Variants in PLXNA4 observed in about 807,000 individuals in gnomAD.
PLXNA4 encodes plexin-A4.
In PLXNA4, 44 loss-of-function variants were observed where a neutral mutation model predicts 191.8. The observed-to-expected ratio is 0.23, with a 90% CI of 0.18 to 0.29. The LOEUF (loss-of-function observed/expected upper bound fraction) is 0.29, where lower values mean the gene tolerates loss of function less well. PLXNA4 is among the 10% of genes least tolerant of loss of function. PLXNA4 has a pLI of 1.00. For missense variants in PLXNA4, 1,800 were observed against 2,488.8 expected (o/e 0.72, Z 5.89); for synonymous variants, 1,082 against 1,009.5 (o/e 1.07, Z -1.36).
intron 1 of PLXNA4, among the ~76,000 whole-genome samples, chr7:132,546,411 C>G (rs1191068430): frequency 6.6e-6 from 1 of 152,088 alleles, no homozygotes; most frequent in East Asian, 1.9e-4. Context: ...CTAAAAATCC[C>G]AATGCACCAG....
intron 4 of PLXNA4, among the ~76,000 whole-genome samples, chr7:132,244,977 C>T (rs1407871210): frequency 6.6e-6 from 1 of 152,148 alleles, no homozygotes; most frequent in East Asian, 1.9e-4. Context: ...CCCCAAATAC[C>T]TAGACTTGCC....
chr7:132,237,559 C>T (rs1376808247), intron 5 of PLXNA4, among the ~76,000 whole-genome samples: 1 of 152,042 alleles, frequency 6.6e-6, no homozygotes, highest in African/African-American at 2.4e-5. Context: ...TGAGCTTTGT[C>T]CTGGAAGAGT....
intron 2 of PLXNA4, among the ~76,000 whole-genome samples, chr7:132,500,403 A>G (rs1206179743): frequency 2.0e-5 from 3 of 151,580 alleles, no homozygotes; most frequent in Non-Finnish European, 4.4e-5. Context: ...AGATCGCGCC[A>G]TTGCACTCCA....
intron 1 of PLXNA4, among the ~76,000 whole-genome samples, chr7:132,562,781 CTCT>C (rs1479720002): frequency 1.6e-5 from 2 of 126,574 alleles, no homozygotes; most frequent in Admixed American, 7.6e-5. Flanking sequence ...TTTCCTCCCC[CTCT>C]TCTTTCTCCA....
chr7:132,472,036 A>C (rs539037017), intron 3 of PLXNA4, among the ~76,000 whole-genome samples: 1 of 152,346 alleles, frequency 6.6e-6, no homozygotes, highest in East Asian at 1.9e-4. Flanking sequence ...ATTTCTCGGA[A>C]CTTGTACTCT....
At chr7:132,131,704 C>T (rs1794931663) in intron 31 of PLXNA4, among the ~76,000 whole-genome samples, 2 of 152,236 alleles carry the variant, frequency 1.3e-5, no homozygotes, top group South Asian at 2.1e-4. Flanking sequence ...ACAGAGAATC[C>T]TTTCTGAGAG....
chr7:132,517,452 A>G (rs1798987120), intron 1 of PLXNA4, among the ~76,000 whole-genome samples: 1 of 152,236 alleles, frequency 6.6e-6, no homozygotes, highest in African/African-American at 2.4e-5. Context: ...AACATCAGAC[A>G]AGAAAGAAAC....
At chr7:132,552,626 G>T (rs1800611006) in intron 1 of PLXNA4, among the ~76,000 whole-genome samples, 1 of 152,216 alleles carries the variant, frequency 6.6e-6, no homozygotes, top group Non-Finnish European at 1.5e-5. Context: ...GTTTCCAGCT[G>T]AAGTGGTATC....
intron 25 of PLXNA4, among the ~76,000 whole-genome samples, chr7:132,154,483 A>G (rs983184850): frequency 6.6e-6 from 1 of 151,942 alleles, no homozygotes; most frequent in Non-Finnish European, 1.5e-5. Context: ...AAGTTCCTGA[A>G]TAGAAGTGCA....
chr7:132,301,397 T>C (rs1801300791), intron 3 of PLXNA4, among the ~76,000 whole-genome samples: 1 of 152,206 alleles, frequency 6.6e-6, no homozygotes, highest in African/African-American at 2.4e-5. Flanking sequence ...GGGACAATGA[T>C]AGGCATTTTA....
intron 1 of PLXNA4, among the ~76,000 whole-genome samples, chr7:132,575,721 C>G (rs969618563): frequency 2.0e-5 from 3 of 152,196 alleles, no homozygotes; most frequent in African/African-American, 7.2e-5. Context: ...ACATACGCGG[C>G]GATGCTTTAA....
At chr7:132,363,825 G>A (rs1276538718) in intron 3 of PLXNA4, among the ~76,000 whole-genome samples, 1 of 152,224 alleles carries the variant, frequency 6.6e-6, no homozygotes, top group Non-Finnish European at 1.5e-5. Flanking sequence ...ACTTTATAGA[G>A]AAGTTGAAGG....
intron 3 of PLXNA4, among the ~76,000 whole-genome samples, chr7:132,354,217 C>T (rs979147949): frequency 5.9e-5 from 9 of 152,104 alleles, no homozygotes; most frequent in African/African-American, 2.2e-4. Flanking sequence ...GTGCACTGCA[C>T]ACTGAGCCTG....
chr7:132,516,291 T>C (rs1798937097), intron 1 of PLXNA4, among the ~76,000 whole-genome samples: 1 of 152,122 alleles, frequency 6.6e-6, no homozygotes, highest in Non-Finnish European at 1.5e-5. Context: ...TCTTTTTTAA[T>C]TTTTATTAGG....
At chr7:132,581,406 C>G (rs750217890), upstream of PLXNA4, among the ~76,000 whole-genome samples, 1 of 152,230 alleles carries the variant, frequency 6.6e-6, no homozygotes, top group African/African-American at 2.4e-5. Context: ...CAACTCCCAG[C>G]CTTTTCTGCT....
rs530705901 is a variant in PLXNA4 at position 132,427,487 on chromosome 7, C to G, written c.1371+61805G>C. The stretch of plus-strand genomic sequence containing the variant: ...GCAGAATGGACAGGCCCCCACCCAC[C>G]CAGTCATAAACTCATGGGTGACAAT... On this transcript the variant is annotated intron_variant, in intron 3 of 31. Transcript: ENST00000321063. Among the ~76,000 whole-genome samples the G allele has an allele frequency of 4.5e-4, 68 of 152,282 alleles. 1 individual carries two copies. The highest frequency in any genetic ancestry group is 8.3e-4 in the South Asian group (4 of 4,830).
intron 12 of PLXNA4, 76 bp from the exon 13 acceptor site, chr7:132,198,712 T>G: frequency 6.4e-7 from 1 of 1,564,532 alleles, no homozygotes; most frequent in South Asian, 1.2e-5. Context: ...AAGGAGAGGC[T>G]GCTGGCTCTT....
At chr7:132,491,998 G>A (rs866876705) in intron 2 of PLXNA4, among the ~76,000 whole-genome samples, 1 of 152,180 alleles carries the variant, frequency 6.6e-6, no homozygotes, top group African/African-American at 2.4e-5. Flanking sequence ...GGTCCTCGTG[G>A]CCCTTGAATG....
chr7:132,609,599 A>G (rs527444071), intron 2 of PLXNA4, among the ~76,000 whole-genome samples: 5 of 152,160 alleles, frequency 3.3e-5, no homozygotes, highest in Non-Finnish European at 7.4e-5. Flanking sequence ...CAACCTGCTC[A>G]TTTACTTTTA....
Sources: gnomAD v4.1 joint callset for allele counts (sites outside exome capture counted in the v4.1 genomes callset) on GRCh38, gnomAD v4.1.1 for gene constraint, MANE v1.5 for transcripts, NCBI Gene and HGNC (gene_info 2026-07-23, HGNC 2026-07-21) for gene names.